Variants in SYN2 observed in about 807,000 individuals in gnomAD.
SYN2 encodes synapsin-2.
SYN2 carries 19 observed loss-of-function variants against 50.9 expected under a neutral mutation model. The ratio of observed to expected loss-of-function variants is 0.37; its 90% CI spans 0.26 to 0.55. SYN2 has a LOEUF of 0.55. SYN2 is among the 20% of genes least tolerant of loss of function. SYN2 has a pLI of 0.81. For synonymous variants in SYN2, 255 were observed against 224.9 expected, an observed-to-expected ratio of 1.13 and a Z score of -1.20; for missense variants, 587 against 576.4, an observed-to-expected ratio of 1.02 and a Z score of -0.19.
At chr3:12,121,156 C>T (rs941102458) in intron 1 of SYN2, among the ~76,000 whole-genome samples, 10 of 152,184 alleles carry the variant, frequency 6.6e-5, no homozygotes, top group African/African-American at 2.2e-4. Flanking sequence ...TAGGCTCAGG[C>T]ATCACTTCTT....
At chr3:12,037,061 A>T (rs1038248500) in intron 1 of SYN2, among the ~76,000 whole-genome samples, 1 of 152,140 alleles carries the variant, frequency 6.6e-6, no homozygotes, top group African/African-American at 2.4e-5. Flanking sequence ...AATAGACTTT[A>T]CTCCAGTTTC....
At chr3:12,042,156 A>G (rs959629751) in intron 1 of SYN2, among the ~76,000 whole-genome samples, 1 of 152,244 alleles carries the variant, frequency 6.6e-6, no homozygotes, top group Non-Finnish European at 1.5e-5. Context: ...GGTACCTGGC[A>G]TGTATCAGTA....
intron 1 of SYN2, among the ~76,000 whole-genome samples, chr3:12,073,031 T>A (rs1345193080): frequency 6.6e-6 from 1 of 152,222 alleles, no homozygotes; most frequent in East Asian, 1.9e-4. Context: ...AAATTGTTTT[T>A]CTTAAACAAC....
intron 1 of SYN2, among the ~76,000 whole-genome samples, chr3:12,139,460 A>G (rs1210551541): frequency 1.3e-5 from 2 of 152,206 alleles, no homozygotes; most frequent in African/African-American, 2.4e-5. Context: ...CAGTGGTCTC[A>G]GAGTGCCACA....
intron 1 of SYN2, among the ~76,000 whole-genome samples, chr3:12,065,002 G>A (rs1233743172): frequency 2.0e-5 from 3 of 152,138 alleles, no homozygotes; most frequent in African/African-American, 7.2e-5. Context: ...ACAAAATGTG[G>A]TATAGCTCTA....
chr3:12,163,447 G>A (rs1477698335), intron 7 of SYN2, among the ~76,000 whole-genome samples: 1 of 148,496 alleles, frequency 6.7e-6, no homozygotes, highest in Non-Finnish European at 1.5e-5. Flanking sequence ...CCCCTTGAGT[G>A]AGTTAGGCCC....
intron 1 of SYN2, among the ~76,000 whole-genome samples, chr3:12,134,870 A>C (rs1696861827): frequency 6.6e-6 from 1 of 152,164 alleles, no homozygotes; most frequent in African/African-American, 2.4e-5. Context: ...CCCCATGTAG[A>C]TATTGGCGTC....
intron 1 of SYN2, among the ~76,000 whole-genome samples, chr3:12,024,330 T>G (rs568803899): frequency 1.3e-5 from 2 of 152,092 alleles, no homozygotes; most frequent in East Asian, 3.9e-4. Flanking sequence ...CTAATTTTTT[T>G]TGTATTTTTA....
At chr3:12,128,964 G>A (rs2125207741) in intron 1 of SYN2, among the ~76,000 whole-genome samples, 1 of 152,274 alleles carries the variant, frequency 6.6e-6, no homozygotes, top group East Asian at 1.9e-4. Flanking sequence ...ACCACCACAA[G>A]GTCGCTATTC....
At chr3:12,017,800 A>C (rs898909801) in intron 1 of SYN2, among the ~76,000 whole-genome samples, 4 of 152,246 alleles carry the variant, frequency 2.6e-5, no homozygotes, top group Non-Finnish European at 5.9e-5. Context: ...ACAGATTTTC[A>C]TGACACTAAA....
At chr3:12,070,419 G>T in intron 1 of SYN2, 1 of 543,710 alleles carries the variant, frequency 1.8e-6, no homozygotes, top group South Asian at 1.5e-5. Context: ...ATGGCATCCT[G>T]ACGCTGAAGA....
chr3:12,097,572 C>T (rs1391121314), intron 1 of SYN2, among the ~76,000 whole-genome samples: 1 of 149,878 alleles, frequency 6.7e-6, no homozygotes, highest in East Asian at 2.0e-4. Context: ...CACCACTGCA[C>T]TCCAGCCTGG....
intron 5 of SYN2, among the ~76,000 whole-genome samples, chr3:12,160,042 C>CAAAAAAAAAAAAAAAAAAAAA (rs3079818): frequency 1.5e-5 from 1 of 67,612 alleles, no homozygotes; most frequent in Non-Finnish European, 2.6e-5. Flanking sequence ...GACTCCGTCT[C>CAAAAAAAAAAAAAAAAAAAAA]AAAAAAAAAA....
At chr3:12,105,004 C>T (rs747719880) in intron 1 of SYN2, among the ~76,000 whole-genome samples, 2 of 152,200 alleles carry the variant, frequency 1.3e-5, no homozygotes, top group Non-Finnish European at 2.9e-5. Flanking sequence ...GAGCACAATA[C>T]ATGTAATCAC....
intron 1 of SYN2, among the ~76,000 whole-genome samples, chr3:12,089,449 T>G (rs938837641): frequency 6.6e-6 from 1 of 152,164 alleles, no homozygotes; most frequent in Admixed American, 6.5e-5. Context: ...GGAGCTACAA[T>G]TCAAGATGAG....
chr3:12,096,669 A>G (rs1292880752), intron 1 of SYN2, among the ~76,000 whole-genome samples: 5 of 152,120 alleles, frequency 3.3e-5, no homozygotes, highest in Non-Finnish European at 5.9e-5. Flanking sequence ...TATGAGAATG[A>G]TGTCTCCCCA....
chr3:12,173,540 T>A (rs1697983727), intron 10 of SYN2, among the ~76,000 whole-genome samples: 1 of 152,146 alleles, frequency 6.6e-6, no homozygotes, highest in Admixed American at 6.5e-5. Context: ...AGCCACCGTC[T>A]CCCTTTTACC....
intron 3 of SYN2, among the ~76,000 whole-genome samples, chr3:12,142,678 G>T (rs1031494348): frequency 6.6e-6 from 1 of 152,194 alleles, no homozygotes; most frequent in South Asian, 2.1e-4. Flanking sequence ...TTCCAGACTG[G>T]AAAGTGGCGG....
At chr3:12,030,985 G>T in intron 1 of SYN2, among the ~76,000 whole-genome samples, 1 of 123,618 alleles carries the variant, frequency 8.1e-6, no homozygotes, top group Non-Finnish European at 1.7e-5. Flanking sequence ...TGTCAATTTT[G>T]GATCTTTCCT....
Sources: allele counts gnomAD v4.1 joint callset (sites outside exome capture counted in the v4.1 genomes callset), GRCh38; gene constraint gnomAD v4.1.1; transcripts MANE v1.5; gene names NCBI Gene and HGNC (gene_info 2026-07-23, HGNC 2026-07-21).